Variants in PAM observed in about 807,000 individuals in gnomAD.
PAM encodes peptidyl-glycine alpha-amidating monooxygenase.
Under a neutral mutation model 122.1 loss-of-function variants are expected in PAM, and 72 were observed. The ratio of observed to expected loss-of-function variants is 0.59; its 90% confidence interval spans 0.49 to 0.72. The LOEUF (loss-of-function observed/expected upper bound fraction) is 0.72, where lower values mean the gene tolerates loss of function less well. Among genes scored for constraint, PAM ranks in the 30% least tolerant of loss-of-function variants. PAM has a pLI of 0.00. For missense variants in PAM, 1,106 were observed against 1,183.7 expected (o/e 0.93, Z 0.96); for synonymous variants, 389 against 404.4 (o/e 0.96, Z 0.46).
At chr5:102,959,349 C>T (rs907814013) in intron 12 of PAM, among the ~76,000 whole-genome samples, 5 of 152,126 alleles carry the variant, frequency 3.3e-5, no homozygotes, top group African/African-American at 1.2e-4. Context: ...ATTCATCTGG[C>T]TGTAAGGAAG....
intron 3 of PAM, among the ~76,000 whole-genome samples, chr5:102,895,457 A>G (rs1473182963): frequency 6.6e-6 from 1 of 151,728 alleles, no homozygotes; most frequent in African/African-American, 2.4e-5. Context: ...TGCTAAGTGA[A>G]TGAATGGATG....
intron 1 of PAM, among the ~76,000 whole-genome samples, chr5:102,860,447 G>A (rs565535885): frequency 6.8e-4 from 103 of 152,244 alleles, no homozygotes; most frequent in African/African-American, 2.3e-3. Flanking sequence ...CTTTGGAAGG[G>A]CGAGGTGGGG....
chr5:102,754,896 C>T (rs917355610), upstream of PAM: 5 of 152,344 alleles, frequency 3.3e-5, no homozygotes, highest in African/African-American at 1.2e-4. Flanking sequence ...ACTCCCTTCC[C>T]CGGGGCACTT....
At position 102,847,808 on chromosome 5, in the gene PAM, A is replaced by C. The variant is rs537448994; in HGVS notation, c.-373-18015A>C. ...CTCAATTAAAACTGAAATCGGTCAG[A>C]GAACTAAAAAGTTTTATCTTTAAAT... On this transcript the variant is annotated intron_variant, in intron 1 of 25. Transcript: ENST00000438793. Among the ~76,000 whole-genome samples the C allele has an allele frequency of 1.2e-3, 187 of 152,338 alleles. 1 individual carries two copies. The highest frequency in any genetic ancestry group is 1.8e-3 in the Non-Finnish European group (120 of 68,028).
chr5:102,865,878 T>G lies in PAM; in HGVS notation c.-318T>G. 1 of 315,800 alleles carries G rather than the reference T, an allele frequency of 3.2e-6. No homozygotes were observed. Among genetic ancestry groups the G allele is most frequent in the African/African-American group, 2.2e-5 (1 of 45,672 alleles). The allele number at this position is 315,800 out of a possible 1,614,324, so 19.6% of individuals were successfully genotyped here. A position where few individuals can be genotyped will look rare whatever the true frequency, so the allele number is the denominator to read the frequency against. On this transcript the variant is annotated 5_prime_UTR_variant, in exon 2 of 26. It adds an upstream start codon to the 5' untranslated region. Transcript: ENST00000438793. Reference sequence around the variant, plus strand: ...TGATACCCCTCACAGCCCCTGTCATTCCGGAGTCATAAGGCACCCGCGCGT... The same window carrying G: ...TGATACCCCTCACAGCCCCTGTCATGCCGGAGTCATAAGGCACCCGCGCGT...
chr5:102,949,558 G>A lies in PAM; in HGVS notation c.665G>A (p.Cys222Tyr). Residue 222 changes from cysteine to tyrosine, a missense_variant, in exon 10 of 26, where the codon TGC becomes TAC. Physicochemically the swap from Cys to Tyr is radical, Grantham distance 194 (BLOSUM62 -2). This residue lies in a region of PAM where 670 missense variants were observed against 690.3 expected (regional missense o/e 0.97). Transcript: ENST00000438793. ...GEKVVNSDIS[C>Y]HYKNYPMHVF... ...ACAGTGGTGAATTCTGACATTTCAT[G>A]CCATTATAAAAATTATCCAATGCAT... The A allele has an allele frequency of 6.5e-7, 1 of 1,543,346 alleles. No individual in the cohort carries two copies. The highest frequency in any genetic ancestry group is 9.0e-7 in the Non-Finnish European group (1 of 1,115,786).
At chr5:102,895,709 C>T (rs1490049312) in intron 3 of PAM, among the ~76,000 whole-genome samples, 1 of 151,804 alleles carries the variant, frequency 6.6e-6, no homozygotes, top group East Asian at 2.0e-4. Context: ...TCCTATGAAG[C>T]TGTATTGTCT....
At chr5:102,917,863 ATAG>A (rs1197433616) in intron 5 of PAM, among the ~76,000 whole-genome samples, 7 of 152,200 alleles carry the variant, frequency 4.6e-5, no homozygotes, top group Non-Finnish European at 8.8e-5. Context: ...TTATATAAAA[ATAG>A]TAGACACAGC....
At chr5:102,945,485 A>T (rs1422152675) in intron 7 of PAM, among the ~76,000 whole-genome samples, 1 of 151,632 alleles carries the variant, frequency 6.6e-6, no homozygotes, top group African/African-American at 2.4e-5. Context: ...TATATGTAAA[A>T]TATATATAAA....
At chr5:102,800,290 T>C (rs1764360161) in intron 1 of PAM, among the ~76,000 whole-genome samples, 1 of 152,232 alleles carries the variant, frequency 6.6e-6, no homozygotes, top group Admixed American at 6.5e-5. Context: ...GCCAACTGTA[T>C]CTCAGTCATT....
At chr5:102,938,624 G>A (rs148327777) in intron 7 of PAM, among the ~76,000 whole-genome samples, 12 of 151,486 alleles carry the variant, frequency 7.9e-5, no homozygotes, top group Admixed American at 3.9e-4. Context: ...TTTTTTAATC[G>A]CTCATAATTA....
intron 8 of PAM, among the ~76,000 whole-genome samples, chr5:102,948,136 G>A (rs1757618750): frequency 6.6e-6 from 1 of 152,120 alleles, no homozygotes; most frequent in East Asian, 1.9e-4. Flanking sequence ...ACTGGTGTTT[G>A]ACCAAACAAC....
intron 11 of PAM, among the ~76,000 whole-genome samples, chr5:102,950,382 G>C (rs1758389271): frequency 6.8e-6 from 1 of 147,722 alleles, no homozygotes; most frequent in Non-Finnish European, 1.5e-5. Flanking sequence ...AAGGTGAACT[G>C]TTTTTATCCA....
intron 7 of PAM, among the ~76,000 whole-genome samples, chr5:102,941,837 A>AC (rs1169356948): frequency 6.8e-6 from 1 of 147,226 alleles, no homozygotes; most frequent in Non-Finnish European, 1.5e-5. Context: ...ATGGTACAAA[A>AC]AAAAAAAAAA....
At chr5:102,976,347 G>A (rs1037052442) in intron 15 of PAM, among the ~76,000 whole-genome samples, 1 of 151,374 alleles carries the variant, frequency 6.6e-6, no homozygotes. Context: ...AACTTTAATC[G>A]ATGCTGTTTC....
At chr5:102,894,295 T>C (rs1795558429) in intron 3 of PAM, among the ~76,000 whole-genome samples, 1 of 151,610 alleles carries the variant, frequency 6.6e-6, no homozygotes, top group Admixed American at 6.6e-5. Flanking sequence ...ACACAAAAGG[T>C]AGATGTCCAG....
At chr5:102,898,238 T>C (rs1181291842) in intron 3 of PAM, among the ~76,000 whole-genome samples, 1 of 151,638 alleles carries the variant, frequency 6.6e-6, no homozygotes, top group Non-Finnish European at 1.5e-5. Context: ...CTATGTAGAT[T>C]CATATTATTT....
At chr5:102,988,205 T>C (rs1237933249) in intron 15 of PAM, among the ~76,000 whole-genome samples, 1 of 152,216 alleles carries the variant, frequency 6.6e-6, no homozygotes, top group African/African-American at 2.4e-5. Flanking sequence ...TCCTCACTTT[T>C]ATTCTTTTTG....
intron 7 of PAM, among the ~76,000 whole-genome samples, chr5:102,940,151 TACAC>T (rs1000380962): frequency 0.017 from 2,241 of 134,774 alleles, 48 homozygotes; most frequent in African/African-American, 0.051. Context: ...CACACACACA[TACAC>T]ACACACACAT....
Sources: allele counts gnomAD v4.1 joint callset (sites outside exome capture counted in the v4.1 genomes callset), GRCh38; gene constraint gnomAD v4.1.1; regional missense constraint gnomAD v4.1.1; transcripts MANE v1.5; gene names NCBI Gene and HGNC (gene_info 2026-07-23, HGNC 2026-07-21).